The following CCDC6 variants were observed in gnomAD, a reference collection of about 807,000 sequenced individuals.
CCDC6 encodes the protein coiled-coil domain-containing protein 6.
In CCDC6, 20 loss-of-function variants were observed where a neutral mutation model predicts 56.6. The observed-to-expected ratio is 0.35, with a 90% CI of 0.25 to 0.51. The LOEUF (loss-of-function observed/expected upper bound fraction) is 0.51. CCDC6 is among the 20% of genes least tolerant of loss of function. The probability of loss-of-function intolerance (pLI) is 0.95; values close to 1 mark genes in which losing one functional copy is unlikely to be tolerated. For missense variants in CCDC6, 367 were observed against 601.1 expected (o/e 0.61, Z 4.07); for synonymous variants, 241 against 234.4 (o/e 1.03, Z -0.26).
At chr10:59,885,602 G>A (rs1038764417) in intron 1 of CCDC6, among the ~76,000 whole-genome samples, 6 of 152,072 alleles carry the variant, frequency 3.9e-5, no homozygotes, top group African/African-American at 1.4e-4. Flanking sequence ...GCCACATCCC[G>A]ATCTCACTCT....
Position 59,817,863 on chromosome 10 carries a change from C to T in CCDC6, c.583-3108G>A, listed in dbSNP as rs1390538099. Among the ~76,000 whole-genome samples, 5 of 152,108 alleles carry T rather than the reference C, an allele frequency of 3.3e-5. No individual in the cohort carries two copies. The East Asian group carries it at 7.7e-4, about 23-fold the overall frequency. On this transcript the variant is annotated intron_variant, in intron 3 of 8. Transcript: ENST00000263102. Reference sequence around the variant, plus strand: ...GCCTATCCATTCTGTCATTCCCTGCCCAATGTCAAGACAGTAGCTGTCTTC... The same window carrying T: ...GCCTATCCATTCTGTCATTCCCTGCTCAATGTCAAGACAGTAGCTGTCTTC...
In CCDC6 at chr10:59,792,062, C is replaced by T. The variant is rs139036929; in HGVS notation, c.*855G>A. 5.1e-4 allele frequency: 116 copies of T among 227,218 alleles called. No individual in the cohort carries two copies. Among genetic ancestry groups the T allele is most frequent in the African/African-American group, 2.4e-3 (108 of 45,094 alleles). 14.1% of individuals were successfully genotyped at this position (227,218 alleles called of 1,614,324 possible). On this transcript the variant is annotated 3_prime_UTR_variant, in exon 9 of 9. Coordinates refer to ENST00000263102, the MANE Select transcript of CCDC6 (RefSeq NM_005436.5). ...CAAATGAAGTACGAAAGGGGGAAGC[C>T]GCATTGTTTTTGTTACAATCACACT...
At chr10:59,829,988 T>C (rs1374133391) in intron 3 of CCDC6, among the ~76,000 whole-genome samples, 2 of 152,180 alleles carry the variant, frequency 1.3e-5, no homozygotes, top group Admixed American at 6.5e-5. Flanking sequence ...ACTGGTTGCT[T>C]TGAAGTCAGA....
intron 5 of CCDC6, among the ~76,000 whole-genome samples, chr10:59,811,312 T>C (rs912833458): frequency 6.6e-6 from 1 of 152,092 alleles, no homozygotes; most frequent in Non-Finnish European, 1.5e-5. Context: ...AAAACAAAGG[T>C]AGGAACCACT....
At chr10:59,861,534 C>G (rs2071128965) in intron 1 of CCDC6, among the ~76,000 whole-genome samples, 1 of 150,258 alleles carries the variant, frequency 6.7e-6, no homozygotes, top group Non-Finnish European at 1.5e-5. Flanking sequence ...AATTATCATA[C>G]AGTGATCTTA....
intron 1 of CCDC6, among the ~76,000 whole-genome samples, chr10:59,853,868 G>A (rs2071058947): frequency 6.6e-6 from 1 of 152,030 alleles, no homozygotes; most frequent in Admixed American, 6.6e-5. Flanking sequence ...CTCTCTCCCT[G>A]AAAAAAATGT....
chr10:59,851,410 A>G (rs1305618518), intron 2 of CCDC6, among the ~76,000 whole-genome samples: 1 of 152,062 alleles, frequency 6.6e-6, no homozygotes, highest in African/African-American at 2.4e-5. Flanking sequence ...ATGCCTGGGT[A>G]CCTATTCTTC....
At chr10:59,884,220 A>G (rs1430363986) in intron 1 of CCDC6, among the ~76,000 whole-genome samples, 1 of 152,214 alleles carries the variant, frequency 6.6e-6, no homozygotes, top group Non-Finnish European at 1.5e-5. Context: ...TGTTCTAAGT[A>G]AAAGCAACCC....
At chr10:59,849,777 C>A (rs1054507185) in intron 2 of CCDC6, among the ~76,000 whole-genome samples, 1 of 152,010 alleles carries the variant, frequency 6.6e-6, no homozygotes, top group African/African-American at 2.4e-5. Flanking sequence ...TGTGCAGAAG[C>A]AAACATCCTA....
intron 1 of CCDC6, among the ~76,000 whole-genome samples, chr10:59,869,832 G>C (rs1429782192): frequency 1.3e-5 from 2 of 152,030 alleles, no homozygotes; most frequent in Non-Finnish European, 2.9e-5. Context: ...GCCTCTGCCT[G>C]CCTCTTGCCC....
At chr10:59,825,675 T>C (rs1286847545) in intron 3 of CCDC6, among the ~76,000 whole-genome samples, 4 of 152,184 alleles carry the variant, frequency 2.6e-5, no homozygotes, top group African/African-American at 7.2e-5. Context: ...ATCAGAATTG[T>C]ATGGGAACTG....
intron 1 of CCDC6, among the ~76,000 whole-genome samples, chr10:59,904,382 T>G (rs2071526949): frequency 6.6e-6 from 1 of 152,228 alleles, no homozygotes; most frequent in Non-Finnish European, 1.5e-5. Flanking sequence ...TTTCATAGTC[T>G]CTGCATCCCT....
rs1347044162 is a variant in CCDC6, at chr10:59,810,836, AG to A, written c.847+1798del. ...CCTCACTTGACAGAAGGGCCTTTGC[AG>A]AAGTGATTAAGTTAAGGGGCTTGAG... On this transcript the variant is annotated intron_variant, in intron 5 of 8. Coordinates refer to ENST00000263102, the MANE Select transcript of CCDC6 (RefSeq NM_005436.5). Among the ~76,000 whole-genome samples the A allele has an allele frequency of 5.3e-5, 8 of 152,340 alleles. No homozygotes were observed. In the South Asian group the frequency reaches 1.7e-3, roughly 32 times the overall value.
intron 1 of CCDC6, among the ~76,000 whole-genome samples, chr10:59,867,532 A>G (rs960460890): frequency 2.6e-5 from 4 of 152,156 alleles, no homozygotes; most frequent in Non-Finnish European, 4.4e-5. Context: ...CTTTCTATTG[A>G]TAACTTTTTC....
At chr10:59,833,966 T>G (rs1246206176) in intron 2 of CCDC6, among the ~76,000 whole-genome samples, 1 of 152,184 alleles carries the variant, frequency 6.6e-6, no homozygotes, top group Non-Finnish European at 1.5e-5. Context: ...GCTGTATCAC[T>G]GAGCAAAGCC....
At chr10:59,809,078 T>C (rs1462577232) in intron 5 of CCDC6, among the ~76,000 whole-genome samples, 2 of 152,220 alleles carry the variant, frequency 1.3e-5, no homozygotes, top group African/African-American at 4.8e-5. Flanking sequence ...TTAAATTATT[T>C]GATCCCAAAT....
chr10:59,898,708 G>A (rs2071482000), intron 1 of CCDC6, among the ~76,000 whole-genome samples: 1 of 152,210 alleles, frequency 6.6e-6, no homozygotes, highest in Admixed American at 6.5e-5. Flanking sequence ...TTTGTATCCA[G>A]CACACAGTAT....
chr10:59,846,343 A>C (rs2070991259), intron 2 of CCDC6, among the ~76,000 whole-genome samples: 1 of 152,208 alleles, frequency 6.6e-6, no homozygotes, highest in South Asian at 2.1e-4. Flanking sequence ...GAGATAGAAG[A>C]ATAATTCTGT....
At chr10:59,900,169 A>G (rs1027008746) in intron 1 of CCDC6, among the ~76,000 whole-genome samples, 1 of 152,076 alleles carries the variant, frequency 6.6e-6, no homozygotes, top group African/African-American at 2.4e-5. Flanking sequence ...ATGAACCGGG[A>G]AAGATCTCGA....
Sources: gnomAD v4.1 joint callset for allele counts (sites outside exome capture counted in the v4.1 genomes callset) on GRCh38, gnomAD v4.1.1 for gene constraint, MANE v1.5 for transcripts, NCBI Gene and HGNC (gene_info 2026-07-23, HGNC 2026-07-21) for gene names.